The following STXBP5L variants were observed in gnomAD, a reference collection of about 807,000 sequenced individuals.
STXBP5L encodes the protein syntaxin binding protein 5L.
In STXBP5L, 65 loss-of-function variants were observed where a neutral mutation model predicts 144.5. The ratio of observed to expected loss-of-function variants is 0.45; its 90% CI spans 0.37 to 0.55. The LOEUF is 0.55. Among genes scored for constraint, STXBP5L ranks in the 20% least tolerant of loss-of-function variants. STXBP5L has a pLI of 0.00. For synonymous variants in STXBP5L, 505 were observed against 469.6 expected (o/e 1.08, Z -0.97); for missense variants, 1,298 against 1,405.5 (o/e 0.92, Z 1.22).
Position 120,924,396 on chromosome 3 carries a change from G to T in STXBP5L, c.189+14629G>T, listed in dbSNP as rs544242010. On this transcript the variant is annotated intron_variant, in intron 2 of 26. Transcript: ENST00000471454. ...TCATATTATTAAAACTGCAATAATA[G>T]AAATGAAATCTACATTAATGAAAAA... 1.9e-3 allele frequency among the ~76,000 whole-genome samples: 283 copies of T among 152,180 alleles called. 1 individual carries two copies. The highest frequency in any genetic ancestry group is 6.5e-3 in the African/African-American group (271 of 41,538).
intron 20 of STXBP5L, among the ~76,000 whole-genome samples, chr3:121,341,036 G>A (rs1022820472): frequency 6.6e-6 from 1 of 152,054 alleles, no homozygotes; most frequent in African/African-American, 2.4e-5. Context: ...AAAAGATTCT[G>A]CAGAAGAAAG....
chr3:121,045,391 A>T, intron 4 of STXBP5L, 44 bp from the exon 5 acceptor site: 1 of 1,537,846 alleles, frequency 6.5e-7, no homozygotes. Flanking sequence ...AAAAACCCTA[A>T]ATTAAGTAAA....
chr3:121,006,080 G>C (rs1944272929), intron 3 of STXBP5L, among the ~76,000 whole-genome samples: 1 of 152,136 alleles, frequency 6.6e-6, no homozygotes, highest in Non-Finnish European at 1.5e-5. Flanking sequence ...GCTTGGTGCA[G>C]AGCTGAGTTC....
intron 9 of STXBP5L, among the ~76,000 whole-genome samples, chr3:121,199,700 G>A (rs2048062440): frequency 6.6e-6 from 1 of 152,142 alleles, no homozygotes; most frequent in Non-Finnish European, 1.5e-5. Flanking sequence ...AAAGGATGTT[G>A]AATTTGATCA....
intron 11 of STXBP5L, among the ~76,000 whole-genome samples, chr3:121,227,394 A>G (rs1442503082): frequency 6.6e-6 from 1 of 152,146 alleles, no homozygotes; most frequent in Non-Finnish European, 1.5e-5. Flanking sequence ...AGCCTGCACA[A>G]CATAGCAAGA....
At chr3:121,213,620 T>G (rs2048664602) in intron 10 of STXBP5L, among the ~76,000 whole-genome samples, 1 of 152,178 alleles carries the variant, frequency 6.6e-6, no homozygotes. Flanking sequence ...TTGCCAGTAT[T>G]TTATTGAGGA....
intron 5 of STXBP5L, among the ~76,000 whole-genome samples, chr3:121,053,178 T>G (rs1401158484): frequency 1.3e-5 from 2 of 152,196 alleles, no homozygotes; most frequent in Non-Finnish European, 2.9e-5. Context: ...CAAGATAATT[T>G]ATAGATTCAA....
chr3:121,382,980 T>C (rs959624596), intron 22 of STXBP5L, among the ~76,000 whole-genome samples: 11 of 152,222 alleles, frequency 7.2e-5, no homozygotes, highest in African/African-American at 2.2e-4. Flanking sequence ...GTTAATAATA[T>C]GTGTCAACAT....
intron 3 of STXBP5L, among the ~76,000 whole-genome samples, chr3:121,011,850 C>A (rs1191931005): frequency 1.3e-5 from 2 of 151,598 alleles, no homozygotes; most frequent in Non-Finnish European, 3.0e-5. Context: ...TTAAAGTAAA[C>A]AATTCAGTGA....
At chr3:120,925,726 C>T (rs1346719217) in intron 2 of STXBP5L, among the ~76,000 whole-genome samples, 3 of 152,130 alleles carry the variant, frequency 2.0e-5, no homozygotes, top group Non-Finnish European at 2.9e-5. Flanking sequence ...TCATTTCTTC[C>T]TTTCTTACTG....
At chr3:121,253,810 C>CTTTT (rs34678687) in intron 15 of STXBP5L, among the ~76,000 whole-genome samples, 1 of 95,072 alleles carries the variant, frequency 1.1e-5, no homozygotes, top group Non-Finnish European at 1.9e-5. Flanking sequence ...TTTTTTTTTT[C>CTTTT]TTTTTTTTTT....
chr3:121,388,382 C>T (rs752918194), intron 22 of STXBP5L, among the ~76,000 whole-genome samples: 1 of 152,012 alleles, frequency 6.6e-6, no homozygotes, highest in Non-Finnish European at 1.5e-5. Flanking sequence ...AATTGAATAC[C>T]CCCTATTTCT....
At chr3:121,209,303 G>A (rs6768385) in intron 10 of STXBP5L, among the ~76,000 whole-genome samples, 15,103 of 152,042 alleles carry the variant, frequency 0.099, 1,179 homozygotes, top group Admixed American at 0.2. Context: ...GGGATTGCTC[G>A]GTCAAATGGT....
chr3:121,380,970 C>T (rs971609001), intron 21 of STXBP5L, among the ~76,000 whole-genome samples: 1 of 152,060 alleles, frequency 6.6e-6, no homozygotes, highest in African/African-American at 2.4e-5. Flanking sequence ...GTAACCATTA[C>T]TATTTAGACT....
chr3:121,035,231 T>C (rs1162956396), intron 3 of STXBP5L, among the ~76,000 whole-genome samples: 1 of 152,152 alleles, frequency 6.6e-6, no homozygotes, highest in Admixed American at 6.6e-5. Context: ...CCCACTTGCC[T>C]ATTTTTGTTT....
intron 5 of STXBP5L, among the ~76,000 whole-genome samples, chr3:121,082,931 GC>G (rs1382023074): frequency 8.5e-5 from 13 of 152,194 alleles, no homozygotes; most frequent in Admixed American, 8.5e-4. Flanking sequence ...GGGCGTGGTG[GC>G]TCATGCCTGT....
chr3:120,986,496 ACTTC>A (rs1344095175), intron 3 of STXBP5L, among the ~76,000 whole-genome samples: 4 of 151,920 alleles, frequency 2.6e-5, no homozygotes, highest in Non-Finnish European at 5.9e-5. Context: ...AGAACTGTCT[ACTTC>A]CTTCAATTTT....
chr3:121,281,947 A>G (rs1357725884), intron 19 of STXBP5L, among the ~76,000 whole-genome samples: 1 of 151,634 alleles, frequency 6.6e-6, no homozygotes, highest in Non-Finnish European at 1.5e-5. Flanking sequence ...TTTTGTAAAA[A>G]CATATAAGGA....
At chr3:121,392,917 T>C (rs879025419) in intron 22 of STXBP5L, among the ~76,000 whole-genome samples, 1 of 151,426 alleles carries the variant, frequency 6.6e-6, no homozygotes, top group Admixed American at 6.6e-5. Flanking sequence ...CTTTTTGATA[T>C]GATTATTTCT....
Sources: gnomAD v4.1 joint callset for allele counts (sites outside exome capture counted in the v4.1 genomes callset) on GRCh38, gnomAD v4.1.1 for gene constraint, MANE v1.5 for transcripts, NCBI Gene and HGNC (gene_info 2026-07-23, HGNC 2026-07-21) for gene names.